The following GLRA1 variants were observed in gnomAD, a reference collection of about 807,000 sequenced individuals.
GLRA1 encodes glycine receptor subunit alpha-1.
In GLRA1, 37 loss-of-function variants were observed where a neutral mutation model predicts 48.3. The ratio of observed to expected loss-of-function variants is 0.77; its 90% CI spans 0.59 to 1.01. The LOEUF is 1.01. Among genes scored for constraint, GLRA1 ranks in the 50% least tolerant of loss-of-function variants. The pLI is 0.00. For missense variants in GLRA1, 427 were observed against 571.0 expected, an observed-to-expected ratio of 0.75 and a Z score of 2.57; for synonymous variants, 196 against 210.7, an observed-to-expected ratio of 0.93 and a Z score of 0.60.
At chr5:151,851,823 G>A (rs1406043929) in intron 6 of GLRA1, among the ~76,000 whole-genome samples, 1 of 152,080 alleles carries the variant, frequency 6.6e-6, no homozygotes, top group South Asian at 2.1e-4. Context: ...ATTAATGTGA[G>A]GATAAAATGA....
chr5:151,854,985 G>T lies in GLRA1; in HGVS notation c.697+55C>A, dbSNP rs940579622. 18 of 1,560,452 alleles carry T rather than the reference G, an allele frequency of 1.2e-5. No homozygotes were observed. The East Asian group carries it at 3.8e-4, about 33-fold the overall frequency. Reference sequence around the variant, plus strand: ...ATCAATGATTGAATGTGTCTGAAATGACCTCTGGTCCTGGTTGGGGGGTGG... The same window carrying T: ...ATCAATGATTGAATGTGTCTGAAATTACCTCTGGTCCTGGTTGGGGGGTGG... On this transcript the variant is annotated intron_variant, in intron 6 of 8. Coordinates refer to ENST00000274576, the MANE Select transcript of GLRA1 (RefSeq NM_000171.4).
rs530131179 is a variant in GLRA1 at position 151,865,835 on chromosome 5, C to A, written c.253-5827G>T. The stretch of plus-strand genomic sequence containing the variant: ...CTTGACTCCTACTGGCAGCGCCTGC[C>A]CTAGCAGCCGCTACCCAAACAAGTT... On this transcript the variant is annotated intron_variant, in intron 3 of 8. Transcript: ENST00000274576. Among the ~76,000 whole-genome samples, 4 of 152,256 alleles carry A rather than the reference C, an allele frequency of 2.6e-5. No homozygotes were observed. In the East Asian group the frequency reaches 5.8e-4, roughly 22 times the overall value.
At chr5:151,850,231 C>A in intron 7 of GLRA1, 2 of 1,604,456 alleles carry the variant, frequency 1.2e-6, no homozygotes, top group Admixed American at 1.7e-5. Flanking sequence ...TGCTTGTATG[C>A]TGGAGCCAAG....
chr5:151,847,228 T>C (rs1354144585), intron 7 of GLRA1, among the ~76,000 whole-genome samples: 1 of 152,208 alleles, frequency 6.6e-6, no homozygotes, highest in Non-Finnish European at 1.5e-5. Flanking sequence ...TAGAGCAGAA[T>C]ATTGTGTCTA....
chr5:151,827,029 G>GTTT (rs199505206), intron 8 of GLRA1, among the ~76,000 whole-genome samples: 1,432 of 126,766 alleles, frequency 0.011, 40 homozygotes, highest in African/African-American at 0.04. Context: ...CTTTCTTTCT[G>GTTT]TTTTTTTTTT....
At chr5:151,881,839 G>C (rs1014414845) in intron 3 of GLRA1, among the ~76,000 whole-genome samples, 3 of 152,172 alleles carry the variant, frequency 2.0e-5, no homozygotes, top group African/African-American at 7.2e-5. Flanking sequence ...TGGGAGGTAG[G>C]CAGTTAGGCC....
intron 7 of GLRA1, among the ~76,000 whole-genome samples, chr5:151,837,892 T>C (rs1175853386): frequency 6.6e-6 from 1 of 152,130 alleles, no homozygotes; most frequent in Admixed American, 6.6e-5. Context: ...CAAACCACCA[T>C]GACGTGTGTA....
rs550860481 is a variant in GLRA1 at position 151,862,573 on chromosome 5, T to G, written c.253-2565A>C. Among the ~76,000 whole-genome samples, 3 of 152,350 alleles carry G rather than the reference T, an allele frequency of 2.0e-5. No homozygotes were observed. The East Asian group carries it at 5.8e-4, about 29-fold the overall frequency. On this transcript the variant is annotated intron_variant, in intron 3 of 8. Transcript: ENST00000274576. ...ACTCAATGCTTAGTTAATGTTTCTC[T>G]GATGGTACTGCAGTGTAGTTATTCC... is the stretch of plus-strand genomic sequence containing the variant.
chr5:151,842,266 G>A (rs1439257961), intron 7 of GLRA1, among the ~76,000 whole-genome samples: 5 of 151,420 alleles, frequency 3.3e-5, no homozygotes, highest in African/African-American at 1.2e-4. Flanking sequence ...TTTCTAAGAA[G>A]CAAGTATTAC....
At chr5:151,908,620 T>C (rs933733175) in intron 1 of GLRA1, among the ~76,000 whole-genome samples, 3 of 152,138 alleles carry the variant, frequency 2.0e-5, no homozygotes, top group African/African-American at 7.2e-5. Context: ...CCCTCTTTAT[T>C]ACTCTGCTTA....
chr5:151,860,096 C>G (rs1479402814), intron 3 of GLRA1, 88 bp from the exon 4 acceptor site: 2 of 901,862 alleles, frequency 2.2e-6, no homozygotes. Context: ...GCCAGTAAAA[C>G]CTTTTCTGGA....
At chr5:151,844,636 A>AAAG (rs1752616678) in intron 7 of GLRA1, among the ~76,000 whole-genome samples, 1 of 147,788 alleles carries the variant, frequency 6.8e-6, no homozygotes, top group African/African-American at 2.5e-5. Context: ...AAAAAAAAAA[A>AAAG]AAAAAGAAAA....
intron 3 of GLRA1, among the ~76,000 whole-genome samples, chr5:151,876,105 G>A (rs1753623034): frequency 1.3e-5 from 2 of 152,142 alleles, no homozygotes; most frequent in South Asian, 4.1e-4. Flanking sequence ...TTATCTTCAT[G>A]CTGTCTTTGT....
At chr5:151,889,071 C>T (rs1753989799) in intron 2 of GLRA1, among the ~76,000 whole-genome samples, 1 of 152,156 alleles carries the variant, frequency 6.6e-6, no homozygotes, top group African/African-American at 2.4e-5. Context: ...GAGTTCCCAC[C>T]CAGTCCCTGC....
chr5:151,852,267 C>T (rs1261776718), intron 6 of GLRA1, among the ~76,000 whole-genome samples: 1 of 152,138 alleles, frequency 6.6e-6, no homozygotes, highest in Non-Finnish European at 1.5e-5. Flanking sequence ...ATCCCTTTGC[C>T]CAGAATGCCC....
intron 2 of GLRA1, among the ~76,000 whole-genome samples, chr5:151,890,732 A>G (rs1353268942): frequency 6.6e-6 from 1 of 152,170 alleles, no homozygotes; most frequent in African/African-American, 2.4e-5. Context: ...TGCTTCATTC[A>G]TATACTATAG....
intron 1 of GLRA1, among the ~76,000 whole-genome samples, chr5:151,923,919 T>C (rs766454168): frequency 2.2e-4 from 34 of 152,162 alleles, no homozygotes; most frequent in Non-Finnish European, 4.4e-4. Flanking sequence ...ATAATACTAT[T>C]GTTTCCAAGC....
chr5:151,858,110 G>C (rs1293820318), intron 4 of GLRA1, among the ~76,000 whole-genome samples: 2 of 152,186 alleles, frequency 1.3e-5, no homozygotes, highest in African/African-American at 4.8e-5. Flanking sequence ...TAGTGGACCT[G>C]AACTGGCACT....
chr5:151,825,284 G>T (rs1007222027), intron 8 of GLRA1, among the ~76,000 whole-genome samples: 4 of 152,316 alleles, frequency 2.6e-5, no homozygotes, highest in South Asian at 4.1e-4. Context: ...CCTTGCTGGA[G>T]CTGGGGTGTT....
Sources: gnomAD v4.1 joint callset for allele counts (sites outside exome capture counted in the v4.1 genomes callset) on GRCh38, gnomAD v4.1.1 for gene constraint, MANE v1.5 for transcripts, NCBI Gene and HGNC (gene_info 2026-07-23, HGNC 2026-07-21) for gene names.